The following TTC23 variants were observed in gnomAD, a reference collection of about 807,000 sequenced individuals.
The protein encoded by TTC23 is tetratricopeptide repeat protein 23.
In TTC23, 58 loss-of-function variants were observed where a neutral mutation model predicts 55.1. The ratio of observed to expected loss-of-function variants is 1.05; its 90% CI spans 0.85 to 1.31. TTC23 has a LOEUF of 1.31. Ranked by LOEUF, TTC23 falls within the 50% of genes most tolerant of loss-of-function variation. TTC23 has a pLI of 0.00. For synonymous variants in TTC23, 203 were observed against 199.9 expected (o/e 1.02, Z -0.13); for missense variants, 516 against 534.4 (o/e 0.97, Z 0.34).
intron 12 of TTC23, chr15:99,140,092 A>G (rs1009613864): frequency 1.4e-4 from 29 of 206,996 alleles, no homozygotes; most frequent in Non-Finnish European, 5.9e-5. Flanking sequence ...TTTTAAATAA[A>G]GTAATTAAGA....
chr15:99,213,547 T>C (rs959739450), intron 8 of TTC23, among the ~76,000 whole-genome samples: 2 of 152,262 alleles, frequency 1.3e-5, no homozygotes, highest in African/African-American at 4.8e-5. Flanking sequence ...CTCTGAATTG[T>C]GTATTTCCTA....
At chr15:99,218,536 G>T in intron 8 of TTC23, 52 bp downstream of exon 8, 1 of 1,610,648 alleles carries the variant, frequency 6.2e-7, no homozygotes. Context: ...AGATTCTACA[G>T]GCAAAGAGCC....
At chr15:99,197,009 C>T (rs1219534230) in intron 9 of TTC23, among the ~76,000 whole-genome samples, 1 of 152,194 alleles carries the variant, frequency 6.6e-6, no homozygotes, top group Non-Finnish European at 1.5e-5. Context: ...GGCTTGTCTT[C>T]CCCCAAAAGC....
intron 4 of TTC23, among the ~76,000 whole-genome samples, chr15:99,233,495 T>C (rs1310780813): frequency 2.6e-5 from 4 of 152,162 alleles, no homozygotes; most frequent in Admixed American, 6.5e-5. Flanking sequence ...AAAAACTGTA[T>C]GATCTCACTC....
intron 11 of TTC23, 60 bp from the exon 12 acceptor site, chr15:99,156,357 C>T (rs187661618): frequency 2.8e-5 from 45 of 1,585,908 alleles, no homozygotes; most frequent in African/African-American, 9.4e-5. Flanking sequence ...AGGATCATTA[C>T]GCAACTTGTA....
chr15:99,149,495 G>A (rs1196954027), intron 12 of TTC23, among the ~76,000 whole-genome samples: 3 of 152,238 alleles, frequency 2.0e-5, no homozygotes, highest in Non-Finnish European at 4.4e-5. Context: ...GGGTGGCAGT[G>A]TGGCCCAGAG....
chr15:99,155,245 T>C (rs1555498610), intron 12 of TTC23: 1 of 152,092 alleles, frequency 6.6e-6, no homozygotes, highest in Non-Finnish European at 1.5e-5. Flanking sequence ...TAATAAGAAA[T>C]ATACAAAACC....
intron 9 of TTC23, among the ~76,000 whole-genome samples, chr15:99,183,917 C>A (rs558906493): frequency 6.6e-6 from 1 of 152,218 alleles, no homozygotes; most frequent in East Asian, 1.9e-4. Context: ...GGGCCCAGGA[C>A]CCCCCTGCTG....
chr15:99,177,424 G>A (rs999847232), intron 9 of TTC23, among the ~76,000 whole-genome samples: 3 of 152,146 alleles, frequency 2.0e-5, no homozygotes, highest in South Asian at 2.1e-4. Context: ...TCCAAATAAC[G>A]GGCACTATGA....
At chr15:99,168,994 G>A (rs910205768) in intron 10 of TTC23, among the ~76,000 whole-genome samples, 4 of 152,096 alleles carry the variant, frequency 2.6e-5, no homozygotes, top group Non-Finnish European at 5.9e-5. Flanking sequence ...CCCTAGATGT[G>A]ACTACTCTAG....
intron 12 of TTC23, among the ~76,000 whole-genome samples, chr15:99,142,734 AC>A (rs1399516083): frequency 3.1e-4 from 47 of 152,358 alleles, no homozygotes; most frequent in Middle Eastern, 3.4e-3. Flanking sequence ...TGAGAAGGCA[AC>A]TGACAGTGCT....
At chr15:99,163,974 G>C (rs1835501923) in intron 10 of TTC23, among the ~76,000 whole-genome samples, 2 of 152,144 alleles carry the variant, frequency 1.3e-5, no homozygotes, top group East Asian at 3.9e-4. Context: ...CTAAAATGAA[G>C]ATAAGAACAA....
At chr15:99,221,661 T>C (rs1026598510) in intron 6 of TTC23, 80 bp downstream of exon 6, 15 of 1,567,990 alleles carry the variant, frequency 9.6e-6, no homozygotes, top group African/African-American at 1.4e-5. Flanking sequence ...ACCTGATCCT[T>C]CTAATTAAGT....
At chr15:99,227,955 C>T (rs898208169) in intron 5 of TTC23, among the ~76,000 whole-genome samples, 9 of 152,228 alleles carry the variant, frequency 5.9e-5, no homozygotes, top group Admixed American at 5.9e-4. Flanking sequence ...TCACAGAACT[C>T]ATCAACCTGA....
At chr15:99,238,727 T>C (rs1045453322) in intron 3 of TTC23, among the ~76,000 whole-genome samples, 4 of 152,186 alleles carry the variant, frequency 2.6e-5, no homozygotes, top group Non-Finnish European at 4.4e-5. Context: ...AGGAGGGTTA[T>C]TGACAGAGGT....
At chr15:99,169,933 G>C (rs1269944031) in intron 10 of TTC23, among the ~76,000 whole-genome samples, 1 of 152,144 alleles carries the variant, frequency 6.6e-6, no homozygotes, top group African/African-American at 2.4e-5. Context: ...CCGCAGATGG[G>C]GCTACTTCCA....
At chr15:99,182,248 T>TCTCTCTCTCACACA (rs1286172224) in intron 9 of TTC23, among the ~76,000 whole-genome samples, 3 of 108,606 alleles carry the variant, frequency 2.8e-5, no homozygotes, top group African/African-American at 1.1e-4. Context: ...TCTCTCTCTC[T>TCTCTCTCTCACACA]CACACACACA....
At chr15:99,156,740 C>G (rs1456910726) in intron 11 of TTC23, among the ~76,000 whole-genome samples, 2 of 152,148 alleles carry the variant, frequency 1.3e-5, no homozygotes, top group Non-Finnish European at 2.9e-5. Context: ...AACTATAATT[C>G]AAGACGAGAT....
At chr15:99,184,375 G>A (rs773608214) in intron 9 of TTC23, among the ~76,000 whole-genome samples, 3 of 152,344 alleles carry the variant, frequency 2.0e-5, no homozygotes, top group Middle Eastern at 3.4e-3. Context: ...AAGCAGCCAA[G>A]AGGGGGGTTG....
Sources: gnomAD v4.1 joint callset for allele counts (sites outside exome capture counted in the v4.1 genomes callset) on GRCh38, gnomAD v4.1.1 for gene constraint, MANE v1.5 for transcripts, NCBI Gene and HGNC (gene_info 2026-07-23, HGNC 2026-07-21) for gene names.